HGF: variants seen among roughly 807,000 people sequenced by gnomAD.
The protein encoded by HGF is hepatocyte growth factor, also known as fibroblast-derived tumor cytotoxic factor.
Under a neutral mutation model 111.6 loss-of-function variants are expected in HGF, and 39 were observed. That is an observed-to-expected ratio of 0.35 (90% confidence interval 0.27 to 0.46). The LOEUF is 0.46. Ranked by LOEUF, HGF falls within the 20% of genes least tolerant of loss-of-function variation. The pLI is 1.00. For synonymous variants in HGF, 285 were observed against 294.8 expected, an observed-to-expected ratio of 0.97 and a Z score of 0.34; for missense variants, 735 against 910.5, an observed-to-expected ratio of 0.81 and a Z score of 2.48.
intron 1 of HGF, among the ~76,000 whole-genome samples, chr7:81,767,215 T>C (rs1326332603): frequency 6.6e-6 from 1 of 151,932 alleles, no homozygotes; most frequent in Non-Finnish European, 1.5e-5. Context: ...TTTTTGAAAA[T>C]ATATCACTTG....
At chr7:81,760,321 T>A (rs1469774830) in intron 2 of HGF, among the ~76,000 whole-genome samples, 1 of 152,228 alleles carries the variant, frequency 6.6e-6, no homozygotes, top group Non-Finnish European at 1.5e-5. Context: ...GAATGAGCTA[T>A]TTCCTGAAGA....
At chr7:81,734,104 T>C (rs1787750561) in intron 7 of HGF, among the ~76,000 whole-genome samples, 1 of 152,144 alleles carries the variant, frequency 6.6e-6, no homozygotes, top group Non-Finnish European at 1.5e-5. Flanking sequence ...AAATATCAGC[T>C]GAAGTTGATT....
At chr7:81,752,065 C>A in intron 5 of HGF, 55 bp downstream of exon 5, 1 of 1,606,396 alleles carries the variant, frequency 6.2e-7, no homozygotes, top group Non-Finnish European at 8.5e-7. Flanking sequence ...ATGTGAGTTA[C>A]AGTTCTACAC....
chr7:81,748,663 T>TAAAAG (rs1554373180), intron 5 of HGF, among the ~76,000 whole-genome samples: 7 of 150,074 alleles, frequency 4.7e-5, no homozygotes, highest in Admixed American at 1.3e-4. Context: ...AGTTCTCCTC[T>TAAAAG]AAAACAAAAC....
intron 5 of HGF, 112 bp downstream of exon 5, chr7:81,752,008 C>T (rs780660807): frequency 5.4e-5 from 82 of 1,527,438 alleles, no homozygotes; most frequent in Non-Finnish European, 6.8e-5. Context: ...GTTGCATTTG[C>T]ACGAACAACA....
chr7:81,752,380 T>A, intron 4 of HGF, 118 bp from the exon 5 acceptor site: 1 of 771,484 alleles, frequency 1.3e-6, no homozygotes. Context: ...TATCTTATAT[T>A]CCTTCATATA....
At chr7:81,718,567 T>C (rs1310223002) in intron 10 of HGF, among the ~76,000 whole-genome samples, 1 of 152,204 alleles carries the variant, frequency 6.6e-6, no homozygotes, top group Non-Finnish European at 1.5e-5. Context: ...TTCCTACAAA[T>C]TGTTTCCAAA....
intron 13 of HGF, among the ~76,000 whole-genome samples, chr7:81,708,089 C>T (rs572708725): frequency 6.6e-6 from 1 of 152,134 alleles, no homozygotes; most frequent in African/African-American, 2.4e-5. Flanking sequence ...CACAACTTTT[C>T]ATAATTTACA....
chr7:81,749,841 C>T (rs1359003384), intron 5 of HGF, among the ~76,000 whole-genome samples: 1 of 151,712 alleles, frequency 6.6e-6, no homozygotes, highest in Non-Finnish European at 1.5e-5. Flanking sequence ...ATTATATAGC[C>T]AAGTTTTAAG....
intron 17 of HGF, among the ~76,000 whole-genome samples, chr7:81,704,276 T>G (rs1383937399): frequency 6.6e-6 from 1 of 151,764 alleles, no homozygotes. Context: ...AAGGCTATTC[T>G]TCAAAAGCAG....
intron 10 of HGF, among the ~76,000 whole-genome samples, chr7:81,718,144 A>G (rs980099041): frequency 2.0e-5 from 3 of 152,206 alleles, no homozygotes; most frequent in Admixed American, 2.0e-4. Context: ...ATTAATTGCT[A>G]CCATGCTTGA....
chr7:81,752,014 C>G, intron 5 of HGF, 106 bp downstream of exon 5: 1 of 1,539,582 alleles, frequency 6.5e-7, no homozygotes, highest in Non-Finnish European at 8.7e-7. Context: ...TTTGCACGAA[C>G]AACATATTTG....
chr7:81,731,378 A>G (rs533983721), intron 7 of HGF, among the ~76,000 whole-genome samples: 12 of 152,206 alleles, frequency 7.9e-5, no homozygotes, highest in Non-Finnish European at 1.5e-4. Context: ...AAGATGAAAA[A>G]TGTTCAGTAA....
chr7:81,757,522 T>G (rs1178350191), intron 3 of HGF, among the ~76,000 whole-genome samples: 1 of 152,202 alleles, frequency 6.6e-6, no homozygotes, highest in Non-Finnish European at 1.5e-5. Flanking sequence ...TTTGTGTATA[T>G]ATGCATAGAT....
rs1442672769 is a variant in HGF, at chr7:81,722,865, T to C, written c.1169-2018A>G. On this transcript the variant is annotated intron_variant, in intron 9 of 17. Transcript: ENST00000222390. ...AAAAGGTATATATATATATATATGT[T>C]GCATTGCAAATTTAAAAAGAATTAT... is the stretch of plus-strand genomic sequence containing the variant. Among the ~76,000 whole-genome samples the C allele has an allele frequency of 2.9e-5, 4 of 140,222 alleles. No individual in the cohort carries two copies. The South Asian group carries it at 6.3e-4, about 22-fold the overall frequency. 92.0% of individuals were successfully genotyped at this position (140,222 alleles called of 152,430 possible).
rs1479603511 is a variant in HGF, at chr7:81,717,260, A to T, written c.1377T>A (p.Ile459=). Residue 459 remains isoleucine (I), a synonymous_variant, in exon 11 of 18, where the codon ATT becomes ATA. Coordinates refer to ENST00000222390, the MANE Select transcript of HGF (RefSeq NM_000601.6). Reference sequence around the variant, plus strand: ...GAGAAATAGGGCAATAATCCCAAGGAATGAGTGGATTTCCCGTGTAGCACC... The same window carrying T: ...GAGAAATAGGGCAATAATCCCAAGGTATGAGTGGATTTCCCGTGTAGCACC... ...GPWCYTGNPL[I]PWDYCPISRC... 1 of 1,613,808 alleles carries T rather than the reference A, an allele frequency of 6.2e-7. No individual in the cohort carries two copies. Among genetic ancestry groups the T allele is most frequent in the Non-Finnish European group, 8.5e-7 (1 of 1,179,722 alleles).
At chr7:81,740,680 C>T (rs765398992) in intron 7 of HGF, among the ~76,000 whole-genome samples, 9 of 152,122 alleles carry the variant, frequency 5.9e-5, no homozygotes, top group Non-Finnish European at 1.2e-4. Flanking sequence ...GAGTAAACTG[C>T]CATATTGTAG....
At chr7:81,704,366 GA>G (rs1789366918) in intron 17 of HGF, among the ~76,000 whole-genome samples, 1 of 151,500 alleles carries the variant, frequency 6.6e-6, no homozygotes. Flanking sequence ...GTGTTTCCCG[GA>G]TGCTTATTGC....
At chr7:81,769,754 CCTATA>C in intron 1 of HGF, 125 bp downstream of exon 1, 2 of 717,880 alleles carry the variant, frequency 2.8e-6, no homozygotes, top group Non-Finnish European at 5.0e-6. Context: ...CTTTTAGAAA[CCTATA>C]CTACATACTG....
Sources: allele counts gnomAD v4.1 joint callset (sites outside exome capture counted in the v4.1 genomes callset), GRCh38; gene constraint gnomAD v4.1.1; transcripts MANE v1.5; gene names NCBI Gene and HGNC (gene_info 2026-07-23, HGNC 2026-07-21).